The following NDUFS1 variants were observed in gnomAD, a reference collection of about 807,000 sequenced individuals.
NDUFS1 encodes the protein NADH-ubiquinone oxidoreductase 75 kDa subunit, mitochondrial.
A neutral mutation model predicts 84.4 loss-of-function variants in NDUFS1; 61 were observed. The ratio of observed to expected loss-of-function variants is 0.72; its 90% CI spans 0.59 to 0.89. The LOEUF (loss-of-function observed/expected upper bound fraction) is 0.89, where lower values mean the gene tolerates loss of function less well. Among genes scored for constraint, NDUFS1 ranks in the 40% least tolerant of loss-of-function variants. The pLI, the probability that NDUFS1 is intolerant of heterozygous loss-of-function variation, is 0.00. For missense variants in NDUFS1, 891 were observed against 890.0 expected (o/e 1.00, Z -0.01); for synonymous variants, 275 against 290.0 (o/e 0.95, Z 0.53).
At chr2:206,159,298 C>T (rs908487737) in intron 1 of NDUFS1, 43 bp downstream of exon 1, 2 of 691,770 alleles carry the variant, frequency 2.9e-6, no homozygotes, top group African/African-American at 3.6e-5. Context: ...AAATAAGCCT[C>T]TGGCCGACGC....
intron 3 of NDUFS1, among the ~76,000 whole-genome samples, chr2:206,150,139 T>C (rs1692317482): frequency 6.6e-6 from 1 of 152,162 alleles, no homozygotes; most frequent in Non-Finnish European, 1.5e-5. Flanking sequence ...CTCAGGATCC[T>C]TGGCGTGACT....
Position 206,120,509 on chromosome 2 carries a change from C to T in NDUFS1, c.*3676G>A, listed in dbSNP as rs1033347244. The stretch of plus-strand genomic sequence containing the variant: ...ATTGGGAACAGGAATAAAGGTACAT[C>T]TATGTCATGCTTTAGCAAATAGCTT... On this transcript the variant is annotated 3_prime_UTR_variant, in exon 19 of 19. Transcript: ENST00000233190. 4 of 152,180 alleles carry T rather than the reference C, an allele frequency of 2.6e-5. No individual in the cohort carries two copies. The highest frequency in any genetic ancestry group is 4.1e-4 in the South Asian group (2 of 4,830). 9.4% of individuals were successfully genotyped at this position (152,180 alleles called of 1,614,324 possible). A position where few individuals can be genotyped will look rare whatever the true frequency, so the allele number is the denominator to read the frequency against.
intron 4 of NDUFS1, 25 bp downstream of exon 4, chr2:206,149,793 G>T: frequency 6.7e-7 from 1 of 1,502,288 alleles, no homozygotes; most frequent in Non-Finnish European, 9.3e-7. Flanking sequence ...CTACAGCATG[G>T]TGTAGAATTT....
chr2:206,155,077 G>A (rs1687594856), intron 1 of NDUFS1, among the ~76,000 whole-genome samples: 1 of 151,612 alleles, frequency 6.6e-6, no homozygotes, highest in South Asian at 2.1e-4. Context: ...CTACAGGCAT[G>A]CACAACCATG....
In NDUFS1 at chr2:206,122,537, G is replaced by A. The variant is rs1320994967; in HGVS notation, c.*1648C>T. 3 of 147,460 alleles carry A rather than the reference G, an allele frequency of 2.0e-5. No individual in the cohort carries two copies. Among genetic ancestry groups the A allele is most frequent in the Non-Finnish European group, 4.5e-5 (3 of 67,412 alleles). 9.1% of individuals were successfully genotyped at this position (147,460 alleles called of 1,614,324 possible). A position where few individuals can be genotyped will look rare whatever the true frequency, so the allele number is the denominator to read the frequency against. The stretch of plus-strand genomic sequence containing the variant: ...CCAGCTACCGGGGAGGCTGAGGCAG[G>A]AGAATCGCTTGAATCAGGGAGGTGG... On this transcript the variant is annotated 3_prime_UTR_variant, in exon 19 of 19. Transcript: ENST00000233190.
In NDUFS1 at chr2:206,117,284, C is replaced by T. The variant is rs2105933293; in HGVS notation, c.*6901G>A. On this transcript the variant is annotated 3_prime_UTR_variant, in exon 19 of 19. Coordinates refer to ENST00000233190, the MANE Select transcript of NDUFS1 (RefSeq NM_005006.7). Reference sequence around the variant, plus strand: ...ACATGCCCACTGTGTTATGTACTTACCTCTATTAGAATATGTTATGTCATT... The same window carrying T: ...ACATGCCCACTGTGTTATGTACTTATCTCTATTAGAATATGTTATGTCATT... The T allele has an allele frequency of 6.6e-6, 1 of 152,332 alleles. No individual in the cohort carries two copies. The highest frequency in any genetic ancestry group is 1.5e-5 in the Non-Finnish European group (1 of 68,032). The allele number at this position is 152,332 out of a possible 1,614,324, so 9.4% of individuals were successfully genotyped here.
At chr2:206,148,179 C>G (rs998152501) in intron 5 of NDUFS1, among the ~76,000 whole-genome samples, 1 of 152,024 alleles carries the variant, frequency 6.6e-6, no homozygotes, top group Non-Finnish European at 1.5e-5. Context: ...CCCGCCCTGG[C>G]GTCCCAAAGT....
chr2:206,134,822 T>C (rs187922451), intron 13 of NDUFS1, among the ~76,000 whole-genome samples: 1 of 149,002 alleles, frequency 6.7e-6, no homozygotes, highest in East Asian at 2.0e-4. Context: ...CAAAAAAATA[T>C]AAAAATTAGC....
intron 13 of NDUFS1, among the ~76,000 whole-genome samples, chr2:206,135,414 C>T (rs1691668239): frequency 6.6e-6 from 1 of 152,074 alleles, no homozygotes; most frequent in Non-Finnish European, 1.5e-5. Context: ...GTGGCTCACG[C>T]CTGTAATCCC....
rs950243430 is a variant in NDUFS1 at position 206,123,149 on chromosome 2, T to C, written c.*1036A>G. 5 of 152,162 alleles carry C rather than the reference T, an allele frequency of 3.3e-5. No homozygotes were observed. The highest frequency in any genetic ancestry group is 1.2e-4 in the African/African-American group (5 of 41,452). 9.4% of individuals were successfully genotyped at this position (152,162 alleles called of 1,614,324 possible). On this transcript the variant is annotated 3_prime_UTR_variant, in exon 19 of 19. Transcript: ENST00000233190. ...TCCTTATTCTGATTCCTTTTGGTTT[T>C]GACAATTAAAAATTATGAAAGCTGG...
At chr2:206,145,851 G>A (rs1030085124) in intron 8 of NDUFS1, among the ~76,000 whole-genome samples, 42 of 152,192 alleles carry the variant, frequency 2.8e-4, no homozygotes, top group African/African-American at 9.9e-4. Context: ...ACTTGTTTGT[G>A]GAGGTGATAC....
chr2:206,133,212 A>G (rs898197760), intron 13 of NDUFS1, 107 bp from the exon 14 acceptor site: 10 of 873,700 alleles, frequency 1.1e-5, no homozygotes, highest in African/African-American at 3.4e-5. Context: ...TAGGTGTAAC[A>G]TGAATGTCTT....
chr2:206,136,541 C>T (rs6435325), intron 13 of NDUFS1, among the ~76,000 whole-genome samples: 74,128 of 150,004 alleles, frequency 0.49, 19,158 homozygotes, highest in African/African-American at 0.64. Flanking sequence ...TCAAGCGATT[C>T]TCCACCCTCA....
At position 206,147,013 on chromosome 2, in the gene NDUFS1, G is replaced by C; in HGVS notation, c.627C>G (p.Tyr209Ter). The C allele has an allele frequency of 6.2e-7, 1 of 1,614,040 alleles. No homozygotes were observed. Among genetic ancestry groups the C allele is most frequent in the East Asian group, 2.2e-5 (1 of 44,866 alleles). Residue 209 changes from tyrosine (Y) to a stop codon, truncating the protein, a stop_gained, in exon 8 of 19, where the codon TAC becomes TAG. Transcript: ENST00000233190. LOFTEE classifies it high-confidence loss of function. ...GTTCAGACATGAACATCTTTTCAAT[G>C]TATGTGCCAACTTGCATATCATTTC... ...GRGNDMQVGTYIEKMFMSELS... is the reference protein window; with the variant it reads ...GRGNDMQVGT
At chr2:206,135,744 G>C (rs1208723209) in intron 13 of NDUFS1, among the ~76,000 whole-genome samples, 1 of 152,054 alleles carries the variant, frequency 6.6e-6, no homozygotes, top group Admixed American at 6.6e-5. Context: ...TATCACATGG[G>C]GATGGGAATT....
chr2:206,142,684 A>C lies in NDUFS1; in HGVS notation c.1133+2T>G. On this transcript the variant is annotated splice_donor_variant, in intron 11 of 18. Transcript: ENST00000233190. LOFTEE classifies it high-confidence loss of function. Reference sequence around the variant, plus strand: ...CCTAGATCCTAGCTTCATATTTCTCACCCAGCTCCTGCAGTGGGGAAGACC... The same window carrying C: ...CCTAGATCCTAGCTTCATATTTCTCCCCCAGCTCCTGCAGTGGGGAAGACC... 1.9e-6 allele frequency: 3 copies of C among 1,614,182 alleles called. No homozygotes were observed. The highest frequency in any genetic ancestry group is 2.5e-6 in the Non-Finnish European group (3 of 1,180,018).
chr2:206,147,883 T>C, intron 5 of NDUFS1, 49 bp from the exon 6 acceptor site: 6 of 1,477,584 alleles, frequency 4.1e-6, no homozygotes, highest in Non-Finnish European at 4.7e-6. Context: ...ACACACACAC[T>C]GACATTAACT....
intron 14 of NDUFS1, among the ~76,000 whole-genome samples, chr2:206,131,397 T>C (rs778158789): frequency 6.6e-5 from 10 of 152,196 alleles, no homozygotes; most frequent in Non-Finnish European, 1.3e-4. Context: ...AAACAATTTC[T>C]AGAAAAAAAT....
Position 206,152,512 on chromosome 2 carries a change from T to C in NDUFS1, c.62-2A>G, listed in dbSNP as rs766908402. ...TTGCTGCTGTGGCAGTTGTTCGAAC[T>C]GACCATCAAAGATATTGAAGCGAAA... On this transcript the variant is annotated splice_acceptor_variant, in intron 2 of 18. Transcript: ENST00000233190. LOFTEE classifies it high-confidence loss of function. The C allele has an allele frequency of 1.2e-6, 2 of 1,613,146 alleles. No homozygotes were observed. The highest frequency in any genetic ancestry group is 2.7e-5 in the African/African-American group (2 of 74,912).
Sources: gnomAD v4.1 joint callset for allele counts (sites outside exome capture counted in the v4.1 genomes callset) on GRCh38, gnomAD v4.1.1 for gene constraint, MANE v1.5 for transcripts, NCBI Gene and HGNC (gene_info 2026-07-23, HGNC 2026-07-21) for gene names.